The following SCHIP1 variants were observed in gnomAD, a reference collection of about 807,000 sequenced individuals.
The protein encoded by SCHIP1 is schwannomin interacting protein 1.
A neutral mutation model predicts 29.7 loss-of-function variants in SCHIP1; 8 were observed. The ratio of observed to expected loss-of-function variants is 0.27; its 90% confidence interval spans 0.16 to 0.49. The LOEUF (loss-of-function observed/expected upper bound fraction) is 0.49, where lower values mean the gene tolerates loss of function less well. Among genes scored for constraint, SCHIP1 ranks in the 20% least tolerant of loss-of-function variants. The pLI, the probability that SCHIP1 is intolerant of heterozygous loss-of-function variation, is 0.99. For missense variants in SCHIP1, 193 were observed against 294.6 expected, an observed-to-expected ratio of 0.66 and a Z score of 2.52; for synonymous variants, 76 against 94.9, an observed-to-expected ratio of 0.80 and a Z score of 1.16.
At chr3:159,725,461 G>A in the SCHIP1 span, among the ~76,000 whole-genome samples, 4 of 151,944 alleles carry the variant, frequency 2.6e-5, no homozygotes, top group African/African-American at 7.3e-5. Flanking sequence ...TAGAGACGGG[G>A]TTTCATCATC....
At chr3:159,347,453 A>G in the SCHIP1 span, among the ~76,000 whole-genome samples, 1 of 152,196 alleles carries the variant, frequency 6.6e-6, no homozygotes, top group Non-Finnish European at 1.5e-5. Flanking sequence ...AAGAAACGAT[A>G]ATACCTGTCT....
the SCHIP1 span, among the ~76,000 whole-genome samples, chr3:159,433,735 A>G: frequency 6.6e-6 from 1 of 152,324 alleles, no homozygotes; most frequent in South Asian, 2.1e-4. Context: ...GCTGTGAAGA[A>G]GTAGATAATA....
intron 5 of SCHIP1, among the ~76,000 whole-genome samples, chr3:159,890,448 A>C: frequency 6.6e-6 from 1 of 152,212 alleles, no homozygotes; most frequent in East Asian, 1.9e-4. Flanking sequence ...ACTGGAAAAA[A>C]TGAAATTTTT....
upstream of SCHIP1, among the ~76,000 whole-genome samples, chr3:159,836,536 G>A (rs1743673594): frequency 6.6e-6 from 1 of 152,174 alleles, no homozygotes; most frequent in Non-Finnish European, 1.5e-5. Flanking sequence ...TATGAACCCA[G>A]AAAATCATGT....
the SCHIP1 span, among the ~76,000 whole-genome samples, chr3:159,540,400 AT>A: frequency 6.6e-6 from 1 of 152,102 alleles, no homozygotes; most frequent in Admixed American, 6.6e-5. Context: ...CATGACCAAA[AT>A]TTGGAGCTGA....
At chr3:159,422,182 A>C in the SCHIP1 span, among the ~76,000 whole-genome samples, 8 of 152,212 alleles carry the variant, frequency 5.3e-5, no homozygotes, top group African/African-American at 1.9e-4. Context: ...TATGCTAAGC[A>C]GAAGTCTGAG....
the SCHIP1 span, among the ~76,000 whole-genome samples, chr3:159,498,759 G>C: frequency 6.6e-6 from 1 of 151,798 alleles, no homozygotes; most frequent in Non-Finnish European, 1.5e-5. Flanking sequence ...AATTACTAAC[G>C]AAAAGAGAAT....
the SCHIP1 span, among the ~76,000 whole-genome samples, chr3:159,405,880 CAAA>C: frequency 4.0e-5 from 3 of 75,248 alleles, no homozygotes; most frequent in Non-Finnish European, 6.3e-5. Context: ...GAGACTCTGT[CAAA>C]AAAAAAAAAA....
chr3:159,741,213 G>C, the SCHIP1 span, among the ~76,000 whole-genome samples: 1 of 152,122 alleles, frequency 6.6e-6, no homozygotes, highest in Non-Finnish European at 1.5e-5. Context: ...AGAAGAATGA[G>C]CCCAAGCTAA....
chr3:159,883,698 A>T (rs889719151), intron 2 of SCHIP1, among the ~76,000 whole-genome samples: 1 of 152,188 alleles, frequency 6.6e-6, no homozygotes, highest in East Asian at 1.9e-4. Flanking sequence ...TGAGAGTAAC[A>T]TTCTTGGTGA....
At chr3:159,553,982 G>A in the SCHIP1 span, among the ~76,000 whole-genome samples, 1 of 106,096 alleles carries the variant, frequency 9.4e-6, no homozygotes, top group Non-Finnish European at 1.8e-5. Flanking sequence ...GTGTGTGTGT[G>A]TGTGTGTGTG....
the SCHIP1 span, among the ~76,000 whole-genome samples, chr3:159,360,885 C>G: frequency 6.6e-6 from 1 of 152,168 alleles, no homozygotes. Flanking sequence ...TGTCTCTACT[C>G]TCAAGAGGCA....
At chr3:159,660,112 C>T in the SCHIP1 span, among the ~76,000 whole-genome samples, 7 of 152,062 alleles carry the variant, frequency 4.6e-5, no homozygotes, top group Admixed American at 3.9e-4. Flanking sequence ...TATTTTTGAA[C>T]TCAAATCTCC....
chr3:159,764,481 C>T, the SCHIP1 span: 4 of 1,591,506 alleles, frequency 2.5e-6, no homozygotes, highest in Admixed American at 1.8e-5. This position sits in a 1 kb window ranked among gnomAD's most constrained non-coding sequence, Gnocchi z 6.1. Flanking sequence ...GCAGTGACGC[C>T]GGCAGCAGCA....
the SCHIP1 span, among the ~76,000 whole-genome samples, chr3:159,728,095 T>C: frequency 1.3e-5 from 2 of 152,038 alleles, no homozygotes; most frequent in South Asian, 2.1e-4. Flanking sequence ...ATTTAAAATA[T>C]GTAAGCTGCA....
the SCHIP1 span, among the ~76,000 whole-genome samples, chr3:159,548,189 G>A: frequency 4.6e-5 from 7 of 152,070 alleles, no homozygotes; most frequent in Admixed American, 4.6e-4. Context: ...TATCTTGAAT[G>A]TTTGTGAGAA....
At chr3:159,769,766 T>C in the SCHIP1 span, among the ~76,000 whole-genome samples, 1 of 152,060 alleles carries the variant, frequency 6.6e-6, no homozygotes, top group African/African-American at 2.4e-5. Context: ...TTAAATAAAA[T>C]AAAATAAAAA....
chr3:159,555,463 T>G, the SCHIP1 span, among the ~76,000 whole-genome samples: 1 of 152,232 alleles, frequency 6.6e-6, no homozygotes, highest in East Asian at 1.9e-4. Context: ...TTTCTAATGG[T>G]CACAGTATGT....
the SCHIP1 span, among the ~76,000 whole-genome samples, chr3:159,297,449 C>T: frequency 6.6e-6 from 1 of 152,116 alleles, no homozygotes; most frequent in African/African-American, 2.4e-5. Context: ...ACAGGCATTG[C>T]TATTCTCATT....
Sources: gnomAD v4.1 joint callset for allele counts (sites outside exome capture counted in the v4.1 genomes callset) on GRCh38, gnomAD v4.1.1 for gene constraint, Gnocchi (gnomAD v3.1) non-coding constraint, MANE v1.5 for transcripts, NCBI Gene and HGNC (gene_info 2026-07-23, HGNC 2026-07-21) for gene names.